TCERG1L: variants seen among roughly 807,000 people sequenced by gnomAD.
TCERG1L encodes transcription elongation regulator 1 like, also known as transcription elongation regulator 1-like protein.
In TCERG1L, 37 loss-of-function variants were observed where a neutral mutation model predicts 56.3. That is an observed-to-expected ratio of 0.66 (90% CI 0.51 to 0.87). The LOEUF (loss-of-function observed/expected upper bound fraction) is 0.87. TCERG1L is among the 40% of genes least tolerant of loss of function. TCERG1L has a pLI of 0.00. For synonymous variants in TCERG1L, 324 were observed against 326.3 expected (o/e 0.99, Z 0.08); for missense variants, 799 against 774.2 (o/e 1.03, Z -0.38).
At chr10:131,297,192 C>A (rs762912112) in intron 3 of TCERG1L, among the ~76,000 whole-genome samples, 2 of 152,136 alleles carry the variant, frequency 1.3e-5, no homozygotes, top group Admixed American at 1.3e-4. Context: ...AGTGGTAGAT[C>A]TTCCTTAGAT....
intron 3 of TCERG1L, among the ~76,000 whole-genome samples, chr10:131,291,399 TTC>T (rs1384058831): frequency 2.3e-4 from 23 of 101,928 alleles, no homozygotes; most frequent in Non-Finnish European, 2.4e-4. Context: ...TAAACAGCAT[TTC>T]TTTTTTTTTT....
intron 3 of TCERG1L, among the ~76,000 whole-genome samples, chr10:131,268,399 A>G (rs1846307092): frequency 6.6e-6 from 1 of 152,210 alleles, no homozygotes; most frequent in African/African-American, 2.4e-5. Flanking sequence ...GGCAGAGTAG[A>G]TTTAGCATCG....
At chr10:131,108,058 G>C (rs1277634681) in intron 9 of TCERG1L, among the ~76,000 whole-genome samples, 2 of 152,060 alleles carry the variant, frequency 1.3e-5, no homozygotes, top group Admixed American at 1.3e-4. Context: ...CCCGTCAACT[G>C]AGTAGACAGC....
intron 4 of TCERG1L, among the ~76,000 whole-genome samples, chr10:131,221,837 C>T (rs113393948): frequency 8.5e-4 from 130 of 152,304 alleles, no homozygotes; most frequent in African/African-American, 3.1e-3. Context: ...ACTGTCCCGC[C>T]GCTGCCTCCA....
chr10:131,204,844 C>A (rs1433948386), intron 4 of TCERG1L, among the ~76,000 whole-genome samples: 1 of 152,326 alleles, frequency 6.6e-6, no homozygotes, highest in Middle Eastern at 3.4e-3. Context: ...GTTTTATGAA[C>A]AGGCAGAGGA....
Position 131,210,905 on chromosome 10 carries a change from T to C in TCERG1L, c.857-44020A>G, listed in dbSNP as rs1046605216. ...GGCAAGCCACCGAAACAGCAAGTCA[T>C]TACTTCATGTCATCACTATTTCATC... On this transcript the variant is annotated intron_variant, in intron 4 of 11. Coordinates refer to ENST00000368642, the MANE Select transcript of TCERG1L (RefSeq NM_174937.4). 3.3e-5 allele frequency among the ~76,000 whole-genome samples: 5 copies of C among 152,340 alleles called. No individual in the cohort carries two copies. In the East Asian group the frequency reaches 9.6e-4, roughly 29 times the overall value.
intron 4 of TCERG1L, among the ~76,000 whole-genome samples, chr10:131,219,391 C>T (rs532738030): frequency 4.6e-5 from 7 of 152,352 alleles, no homozygotes; most frequent in East Asian, 1.9e-4. Context: ...GGACCGCCAG[C>T]GGCTTCGAGT....
chr10:131,125,260 C>CT (rs1845554403), intron 8 of TCERG1L, among the ~76,000 whole-genome samples: 1 of 152,168 alleles, frequency 6.6e-6, no homozygotes, highest in Admixed American at 6.5e-5. Context: ...TCTCAGGCAG[C>CT]TTCTGAGCAT....
chr10:131,221,786 T>C (rs946880704), intron 4 of TCERG1L, among the ~76,000 whole-genome samples: 3 of 152,146 alleles, frequency 2.0e-5, no homozygotes. Context: ...TTTTCTGCAG[T>C]GTGAAAATTG....
At chr10:131,138,948 T>C (rs988392784) in intron 7 of TCERG1L, among the ~76,000 whole-genome samples, 5 of 152,244 alleles carry the variant, frequency 3.3e-5, no homozygotes, top group Admixed American at 1.3e-4. Flanking sequence ...CCAAACACTG[T>C]TAGCCTTGAT....
chr10:131,096,440 A>T (rs1845247729), intron 11 of TCERG1L, among the ~76,000 whole-genome samples: 2 of 151,956 alleles, frequency 1.3e-5, no homozygotes, highest in Non-Finnish European at 2.9e-5. Context: ...AATTCATGCT[A>T]TTTTTTCCCT....
At chr10:131,211,518 A>G (rs1845619575) in intron 4 of TCERG1L, among the ~76,000 whole-genome samples, 2 of 152,198 alleles carry the variant, frequency 1.3e-5, no homozygotes. Flanking sequence ...ATGTCCCAGG[A>G]TGCAGTGACT....
intron 4 of TCERG1L, among the ~76,000 whole-genome samples, chr10:131,183,456 C>G (rs1845202680): frequency 6.6e-6 from 1 of 152,102 alleles, no homozygotes; most frequent in Non-Finnish European, 1.5e-5. Context: ...CAACTAGAAT[C>G]AGAATTTCTG....
chr10:131,215,197 C>T (rs1317915871), intron 4 of TCERG1L, among the ~76,000 whole-genome samples: 1 of 152,194 alleles, frequency 6.6e-6, no homozygotes, highest in Non-Finnish European at 1.5e-5. Flanking sequence ...AGCCTCCAGA[C>T]TATAAGTTAT....
intron 4 of TCERG1L, among the ~76,000 whole-genome samples, chr10:131,225,346 C>T (rs111492916): frequency 3.3e-5 from 5 of 152,250 alleles, no homozygotes; most frequent in African/African-American, 9.6e-5. Flanking sequence ...GACAGGATCA[C>T]GCAGAAGAAC....
chr10:131,276,215 A>G (rs1027748594), intron 3 of TCERG1L, among the ~76,000 whole-genome samples: 1 of 152,196 alleles, frequency 6.6e-6, no homozygotes, highest in Non-Finnish European at 1.5e-5. Flanking sequence ...ATCCAGCAAC[A>G]TCCCTCTAAG....
At chr10:131,120,051 C>T (rs1009798177) in intron 8 of TCERG1L, among the ~76,000 whole-genome samples, 3 of 152,186 alleles carry the variant, frequency 2.0e-5, no homozygotes, top group Admixed American at 1.3e-4. Flanking sequence ...GCCTTCTTCC[C>T]TTCTGTGTGG....
chr10:131,114,213 T>C (rs1318593741), intron 9 of TCERG1L, among the ~76,000 whole-genome samples: 1 of 142,252 alleles, frequency 7.0e-6, no homozygotes, highest in African/African-American at 2.5e-5. Context: ...TAACAAATCT[T>C]ATTAATCACT....
At chr10:131,124,874 C>T (rs1449565919) in intron 8 of TCERG1L, among the ~76,000 whole-genome samples, 1 of 152,174 alleles carries the variant, frequency 6.6e-6, no homozygotes, top group African/African-American at 2.4e-5. Context: ...TTTCATCAAC[C>T]CTCCATTTCT....
Sources: allele counts gnomAD v4.1 joint callset (sites outside exome capture counted in the v4.1 genomes callset), GRCh38; gene constraint gnomAD v4.1.1; transcripts MANE v1.5; gene names NCBI Gene and HGNC (gene_info 2026-07-23, HGNC 2026-07-21).